Variants in CLSTN2 observed in about 807,000 individuals in gnomAD.
CLSTN2 encodes the protein calsyntenin-2.
Under a neutral mutation model 101.2 loss-of-function variants are expected in CLSTN2, and 48 were observed. The ratio of observed to expected loss-of-function variants is 0.47; its 90% CI spans 0.38 to 0.60. CLSTN2 has a LOEUF of 0.60. Among genes scored for constraint, CLSTN2 ranks in the 20% least tolerant of loss-of-function variants. The pLI is 0.00. For missense variants in CLSTN2, 1,160 were observed against 1,238.2 expected (o/e 0.94, Z 0.95); for synonymous variants, 481 against 463.6 (o/e 1.04, Z -0.48).
chr3:140,538,090 C>T (rs1340710564), intron 9 of CLSTN2, among the ~76,000 whole-genome samples: 1 of 101,670 alleles, frequency 9.8e-6, no homozygotes, highest in African/African-American at 8.3e-5. Context: ...CACAAAGCTA[C>T]CACCCTGCTC....
intron 1 of CLSTN2, among the ~76,000 whole-genome samples, chr3:140,121,647 C>T (rs539700811): frequency 6.6e-6 from 1 of 152,306 alleles, no homozygotes; most frequent in East Asian, 1.9e-4. Flanking sequence ...CTCCTCACCT[C>T]TTCCAAGTCC....
At chr3:139,997,867 C>T (rs1014472238) in intron 1 of CLSTN2, among the ~76,000 whole-genome samples, 2 of 151,984 alleles carry the variant, frequency 1.3e-5, no homozygotes, top group African/African-American at 4.8e-5. Flanking sequence ...AAAACATCAG[C>T]GTATTTCTAA....
intron 2 of CLSTN2, among the ~76,000 whole-genome samples, chr3:140,205,721 TC>T (rs1293429505): frequency 6.7e-6 from 1 of 150,058 alleles, no homozygotes; most frequent in Non-Finnish European, 1.5e-5. Flanking sequence ...TTTCCACCAC[TC>T]TATGATGATT....
intron 2 of CLSTN2, among the ~76,000 whole-genome samples, chr3:140,268,349 G>T (rs2086713870): frequency 6.6e-6 from 1 of 152,184 alleles, no homozygotes; most frequent in Non-Finnish European, 1.5e-5. Flanking sequence ...AACACCCCCT[G>T]TTGGGCTGGG....
intron 1 of CLSTN2, among the ~76,000 whole-genome samples, chr3:140,156,293 T>G (rs2009952740): frequency 6.6e-6 from 1 of 152,200 alleles, no homozygotes; most frequent in Non-Finnish European, 1.5e-5. Context: ...TCTACGATGT[T>G]TCAATTACAA....
chr3:140,413,095 T>C (rs1024243581), intron 4 of CLSTN2, among the ~76,000 whole-genome samples: 5 of 151,934 alleles, frequency 3.3e-5, no homozygotes, highest in African/African-American at 1.2e-4. Flanking sequence ...AAAAGATCAA[T>C]GACACCAAGT....
intron 8 of CLSTN2, among the ~76,000 whole-genome samples, chr3:140,485,888 C>G (rs2107754469): frequency 6.6e-6 from 1 of 152,138 alleles, no homozygotes; most frequent in Non-Finnish European, 1.5e-5. Context: ...AAGGGAATTC[C>G]CTGACCCCTT....
chr3:140,042,587 A>G (rs746832018), intron 1 of CLSTN2, among the ~76,000 whole-genome samples: 1 of 152,142 alleles, frequency 6.6e-6, no homozygotes, highest in Non-Finnish European at 1.5e-5. Context: ...GGTTTGTTAC[A>G]TATGTGTACG....
intron 1 of CLSTN2, among the ~76,000 whole-genome samples, chr3:140,143,861 G>A (rs1336900853): frequency 6.6e-6 from 1 of 152,224 alleles, no homozygotes; most frequent in East Asian, 1.9e-4. Context: ...TAATTAGCAT[G>A]CTGTCTCACT....
At chr3:140,310,100 C>T (rs189921589) in intron 2 of CLSTN2, among the ~76,000 whole-genome samples, 1 of 152,234 alleles carries the variant, frequency 6.6e-6, no homozygotes, top group East Asian at 1.9e-4. Context: ...TTAATTTGCC[C>T]TTTCTCCTCT....
At chr3:140,321,059 G>A (rs114764890) in intron 2 of CLSTN2, among the ~76,000 whole-genome samples, 2,128 of 152,302 alleles carry the variant, frequency 0.014, 26 homozygotes, top group Middle Eastern at 0.062. Context: ...CGGGGTATGG[G>A]CTGAAACTGA....
chr3:140,121,987 G>T (rs970717447), intron 1 of CLSTN2, among the ~76,000 whole-genome samples: 1 of 152,198 alleles, frequency 6.6e-6, no homozygotes, highest in Admixed American at 6.5e-5. Context: ...GCTATTTGAA[G>T]TTGACATCAG....
At chr3:140,080,318 A>C (rs1012806033) in intron 1 of CLSTN2, among the ~76,000 whole-genome samples, 6 of 152,228 alleles carry the variant, frequency 3.9e-5, no homozygotes, top group Non-Finnish European at 8.8e-5. Context: ...AGGAAACTCC[A>C]GAATTGTAAT....
At chr3:140,122,354 C>T (rs6764167) in intron 1 of CLSTN2, among the ~76,000 whole-genome samples, 111,075 of 152,034 alleles carry the variant, frequency 0.73, 40,725 homozygotes, top group East Asian at 0.81. Flanking sequence ...GGCAAAATGC[C>T]GTGGATAGAT....
chr3:139,998,121 T>G (rs1479662300), intron 1 of CLSTN2, among the ~76,000 whole-genome samples: 1 of 152,092 alleles, frequency 6.6e-6, no homozygotes, highest in East Asian at 1.9e-4. Context: ...AAGTCATGTT[T>G]GTACAGGGTC....
chr3:140,239,167 A>T (rs537041015), intron 2 of CLSTN2, among the ~76,000 whole-genome samples: 3 of 152,328 alleles, frequency 2.0e-5, no homozygotes, highest in Non-Finnish European at 2.9e-5. Flanking sequence ...GTGAGGAGAC[A>T]GGACAGAGTG....
intron 2 of CLSTN2, among the ~76,000 whole-genome samples, chr3:140,270,861 G>GC (rs2086736506): frequency 6.6e-6 from 1 of 152,132 alleles, no homozygotes; most frequent in Non-Finnish European, 1.5e-5. Context: ...GCAGTCTGTG[G>GC]CCCCAAGGGA....
At chr3:140,485,128 A>T (rs2083093131) in intron 8 of CLSTN2, among the ~76,000 whole-genome samples, 1 of 152,086 alleles carries the variant, frequency 6.6e-6, no homozygotes, top group Admixed American at 6.6e-5. Flanking sequence ...TGACGTACAG[A>T]TGGGATTTTG....
At chr3:139,938,511 T>G (rs1935068499) in intron 1 of CLSTN2, among the ~76,000 whole-genome samples, 1 of 152,208 alleles carries the variant, frequency 6.6e-6, no homozygotes, top group African/African-American at 2.4e-5. Context: ...CAATTATAAC[T>G]CCTTCCCTTC....
Sources: allele counts gnomAD v4.1 joint callset (sites outside exome capture counted in the v4.1 genomes callset), GRCh38; gene constraint gnomAD v4.1.1; transcripts MANE v1.5; gene names NCBI Gene and HGNC (gene_info 2026-07-23, HGNC 2026-07-21).